The following MACROD2 variants were observed in gnomAD, a reference collection of about 807,000 sequenced individuals.
MACROD2 encodes ADP-ribose glycohydrolase MACROD2.
Under a neutral mutation model 70.4 loss-of-function variants are expected in MACROD2, and 36 were observed. That is an observed-to-expected ratio of 0.51 (90% CI 0.39 to 0.68). The LOEUF is 0.68. MACROD2 is among the 30% of genes least tolerant of loss of function. MACROD2 has a pLI of 0.00. For synonymous variants in MACROD2, 172 were observed against 178.8 expected (o/e 0.96, Z 0.30); for missense variants, 496 against 538.4 (o/e 0.92, Z 0.78).
intron 3 of MACROD2, among the ~76,000 whole-genome samples, chr20:14,372,640 C>T (rs1220669958): frequency 6.6e-6 from 1 of 152,128 alleles, no homozygotes; most frequent in African/African-American, 2.4e-5. Context: ...TTACCCCCAG[C>T]TCTCAGCCTT....
At chr20:14,843,537 T>A (rs183862097) in intron 5 of MACROD2, among the ~76,000 whole-genome samples, 6 of 152,272 alleles carry the variant, frequency 3.9e-5, no homozygotes, top group Admixed American at 2.0e-4. Flanking sequence ...AAATCTGTCC[T>A]GTTGATGGAC....
intron 3 of MACROD2, among the ~76,000 whole-genome samples, chr20:14,409,147 C>CT (rs11425504): frequency 0.48 from 61,764 of 127,566 alleles, 15,144 homozygotes; most frequent in East Asian, 0.82. Context: ...TCTGTTTTGG[C>CT]TTTTTTTTTT....
intron 8 of MACROD2, among the ~76,000 whole-genome samples, chr20:15,560,844 C>G (rs905325242): frequency 1.4e-5 from 2 of 142,446 alleles, no homozygotes; most frequent in Non-Finnish European, 3.0e-5. Flanking sequence ...TTCTTGGACA[C>G]ATAATTTTGC....
intron 2 of MACROD2, among the ~76,000 whole-genome samples, chr20:14,004,224 A>G (rs1369283852): frequency 6.6e-6 from 1 of 152,240 alleles, no homozygotes; most frequent in Non-Finnish European, 1.5e-5. Context: ...AACCTGTAGT[A>G]AATGTTCCCC....
intron 8 of MACROD2, among the ~76,000 whole-genome samples, chr20:15,625,579 T>G (rs1275038754): frequency 6.6e-6 from 1 of 152,224 alleles, no homozygotes; most frequent in Non-Finnish European, 1.5e-5. Flanking sequence ...GCTGGTTGAT[T>G]GATTAAAACA....
At chr20:14,194,496 T>G (rs574149228) in intron 3 of MACROD2, among the ~76,000 whole-genome samples, 3 of 152,138 alleles carry the variant, frequency 2.0e-5, no homozygotes, top group Non-Finnish European at 4.4e-5. Flanking sequence ...GACAAATTCA[T>G]AAGTGACACT....
intron 8 of MACROD2, among the ~76,000 whole-genome samples, chr20:15,700,058 AG>A (rs2050434878): frequency 1.3e-5 from 2 of 152,058 alleles, no homozygotes; most frequent in Admixed American, 1.3e-4. Context: ...TTGGGAGAGG[AG>A]GGTCTCCCTT....
At chr20:15,179,459 T>C (rs2076485123) in intron 5 of MACROD2, among the ~76,000 whole-genome samples, 1 of 152,142 alleles carries the variant, frequency 6.6e-6, no homozygotes, top group Non-Finnish European at 1.5e-5. Context: ...TTTCACAAAT[T>C]GCCAGATGCT....
chr20:14,738,656 T>C (rs1298090124), intron 5 of MACROD2, among the ~76,000 whole-genome samples: 3 of 151,998 alleles, frequency 2.0e-5, no homozygotes, highest in Admixed American at 6.6e-5. Flanking sequence ...TTTGAGTCTG[T>C]TATTTCTGCA....
chr20:14,332,272 A>G (rs1367131248), intron 3 of MACROD2, among the ~76,000 whole-genome samples: 2 of 152,134 alleles, frequency 1.3e-5, no homozygotes, highest in Non-Finnish European at 2.9e-5. Flanking sequence ...GATACACCCA[A>G]TAAAACATGT....
At chr20:15,200,449 G>A (rs1264746858) in intron 5 of MACROD2, among the ~76,000 whole-genome samples, 1 of 152,192 alleles carries the variant, frequency 6.6e-6, no homozygotes, top group Non-Finnish European at 1.5e-5. Flanking sequence ...GGCTTTAAAA[G>A]ACTCATTTAC....
intron 4 of MACROD2, among the ~76,000 whole-genome samples, chr20:14,674,317 T>C (rs2070832386): frequency 6.6e-6 from 1 of 152,220 alleles, no homozygotes; most frequent in South Asian, 2.1e-4. Context: ...CAGTGATTAC[T>C]TAACTTCCAC....
chr20:14,558,920 A>G (rs1979240348), intron 4 of MACROD2, among the ~76,000 whole-genome samples: 1 of 151,612 alleles, frequency 6.6e-6, no homozygotes, highest in Non-Finnish European at 1.5e-5. Flanking sequence ...TGATTCTGTA[A>G]TCATAGAACT....
chr20:15,412,106 C>T, intron 6 of MACROD2, among the ~76,000 whole-genome samples: 1 of 152,078 alleles, frequency 6.6e-6, no homozygotes, highest in East Asian at 1.9e-4. Context: ...CTAAATGGAT[C>T]AAAATTAGTT....
intron 4 of MACROD2, among the ~76,000 whole-genome samples, chr20:14,559,890 TTC>T (rs1398845580): frequency 6.6e-6 from 1 of 151,714 alleles, no homozygotes; most frequent in Admixed American, 6.6e-5. Context: ...ACCATTTCTC[TTC>T]TCTGTCTCTC....
chr20:14,140,557 G>T (rs572995819), intron 3 of MACROD2, among the ~76,000 whole-genome samples: 1 of 152,322 alleles, frequency 6.6e-6, no homozygotes, highest in Admixed American at 6.5e-5. Flanking sequence ...GATGAACCCT[G>T]TATTTTTAAT....
At chr20:14,561,444 A>G (rs1176373144) in intron 4 of MACROD2, among the ~76,000 whole-genome samples, 1 of 151,836 alleles carries the variant, frequency 6.6e-6, no homozygotes, top group East Asian at 1.9e-4. Context: ...AATAATTTCT[A>G]TTGTCATGAG....
intron 5 of MACROD2, among the ~76,000 whole-genome samples, chr20:15,150,739 G>A (rs1259695537): frequency 6.6e-6 from 1 of 151,962 alleles, no homozygotes; most frequent in Admixed American, 6.5e-5. Flanking sequence ...GCGGCAATGA[G>A]ATGTGGCTGT....
At chr20:14,102,034 C>T (rs1369216921) in intron 3 of MACROD2, among the ~76,000 whole-genome samples, 34 of 115,328 alleles carry the variant, frequency 2.9e-4, no homozygotes, top group African/African-American at 8.3e-4. Context: ...GACGGAGTCT[C>T]ACTCTGTCAC....
Sources: gnomAD v4.1 joint callset for allele counts (sites outside exome capture counted in the v4.1 genomes callset) on GRCh38, gnomAD v4.1.1 for gene constraint, MANE v1.5 for transcripts, NCBI Gene and HGNC (gene_info 2026-07-23, HGNC 2026-07-21) for gene names.